CDK17: variants seen among roughly 807,000 people sequenced by gnomAD.
CDK17 encodes the protein cyclin dependent kinase 17, also known as cyclin-dependent kinase 17.
A neutral mutation model predicts 77.6 loss-of-function variants in CDK17; 24 were observed. The observed-to-expected ratio is 0.31, with a 90% CI of 0.22 to 0.44. The LOEUF (loss-of-function observed/expected upper bound fraction) is 0.44, where lower values mean the gene tolerates loss of function less well. Among genes scored for constraint, CDK17 ranks in the 20% least tolerant of loss-of-function variants. The pLI is 1.00. For synonymous variants in CDK17, 203 were observed against 210.4 expected, an observed-to-expected ratio of 0.96 and a Z score of 0.30; for missense variants, 429 against 622.5, an observed-to-expected ratio of 0.69 and a Z score of 3.31.
intron 1 of CDK17, among the ~76,000 whole-genome samples, chr12:96,368,542 A>C (rs901582814): frequency 1.3e-5 from 2 of 152,142 alleles, no homozygotes; most frequent in Non-Finnish European, 2.9e-5. Context: ...GTGCCTCCTA[A>C]AATTTGAGCA....
intron 5 of CDK17, among the ~76,000 whole-genome samples, chr12:96,308,879 C>T (rs1027002268): frequency 3.3e-5 from 5 of 151,856 alleles, no homozygotes; most frequent in African/African-American, 1.2e-4. Flanking sequence ...CCTTCCTGGT[C>T]CCTAGGATTT....
intron 1 of CDK17, among the ~76,000 whole-genome samples, chr12:96,398,376 T>C (rs866036005): frequency 6.6e-6 from 1 of 152,170 alleles, no homozygotes; most frequent in African/African-American, 2.4e-5. Flanking sequence ...CAACGTTTAA[T>C]GTCAACTCCT....
chr12:96,387,109 TG>T, intron 1 of CDK17: 1 of 323,436 alleles, frequency 3.1e-6, no homozygotes, highest in South Asian at 3.5e-5. Context: ...TCCACACCTG[TG>T]ACTGTTCCAT....
At chr12:96,306,952 C>T (rs1216445377) in intron 5 of CDK17, among the ~76,000 whole-genome samples, 2 of 152,154 alleles carry the variant, frequency 1.3e-5, no homozygotes, top group Non-Finnish European at 2.9e-5. Context: ...CAAAACATAG[C>T]TGGCATGATT....
chr12:96,293,731 A>G (rs1952360176), intron 10 of CDK17, among the ~76,000 whole-genome samples: 4 of 152,224 alleles, frequency 2.6e-5, no homozygotes, highest in African/African-American at 9.7e-5. Flanking sequence ...AGCCATTTGG[A>G]AAACAGTGGA....
chr12:96,357,430 G>T (rs370008954), intron 1 of CDK17, among the ~76,000 whole-genome samples: 11 of 152,096 alleles, frequency 7.2e-5, no homozygotes, highest in African/African-American at 2.7e-4. Flanking sequence ...CTCCAACCTG[G>T]GAGACAAAGT....
chr12:96,364,010 A>G (rs894196341), intron 1 of CDK17, among the ~76,000 whole-genome samples: 1 of 152,232 alleles, frequency 6.6e-6, no homozygotes, highest in South Asian at 2.1e-4. Context: ...ACTGGATCAC[A>G]TAAGGATATG....
At chr12:96,349,150 A>G (rs1174011350) in intron 1 of CDK17, among the ~76,000 whole-genome samples, 1 of 152,202 alleles carries the variant, frequency 6.6e-6, no homozygotes, top group African/African-American at 2.4e-5. Context: ...CGGTGGTTCA[A>G]CATAAGAAAA....
chr12:96,389,166 G>A (rs1219572720), intron 1 of CDK17, among the ~76,000 whole-genome samples: 1 of 150,288 alleles, frequency 6.7e-6, no homozygotes, highest in African/African-American at 2.5e-5. Flanking sequence ...GTAGGCATGG[G>A]GTCTCCCTAT....
chr12:96,391,609 C>T (rs1362397912), intron 1 of CDK17, among the ~76,000 whole-genome samples: 1 of 152,038 alleles, frequency 6.6e-6, no homozygotes, highest in African/African-American at 2.4e-5. Context: ...TCGGTTAAAC[C>T]AAATTTTACT....
chr12:96,392,455 G>A (rs981627687), intron 1 of CDK17, among the ~76,000 whole-genome samples: 1 of 152,204 alleles, frequency 6.6e-6, no homozygotes, highest in Non-Finnish European at 1.5e-5. Context: ...ACTGGAGCCA[G>A]TAAATCAGAT....
At chr12:96,290,035 A>G (rs1425902838) in intron 10 of CDK17, among the ~76,000 whole-genome samples, 1 of 152,342 alleles carries the variant, frequency 6.6e-6, no homozygotes, top group African/African-American at 2.4e-5. Flanking sequence ...TAAAAAAAAA[A>G]ATCGCAAAAA....
intron 1 of CDK17, among the ~76,000 whole-genome samples, chr12:96,380,659 G>T (rs917661790): frequency 6.6e-6 from 1 of 152,108 alleles, no homozygotes; most frequent in East Asian, 1.9e-4. Flanking sequence ...ATCACAAAAG[G>T]TTGTCCATTT....
chr12:96,379,380 A>T (rs1461695657), intron 1 of CDK17, among the ~76,000 whole-genome samples: 1 of 152,182 alleles, frequency 6.6e-6, no homozygotes, highest in African/African-American at 2.4e-5. Flanking sequence ...AGATATGCTG[A>T]TATTTATAGT....
chr12:96,397,360 G>A (rs1449032617), intron 1 of CDK17, among the ~76,000 whole-genome samples: 1 of 151,822 alleles, frequency 6.6e-6, no homozygotes, highest in East Asian at 1.9e-4. Flanking sequence ...ATACACATGG[G>A]GATCAATTCC....
chr12:96,298,965 A>G lies in CDK17; in HGVS notation c.619T>C (p.Tyr207His), dbSNP rs550448348. The G allele has an allele frequency of 9.6e-6, 15 of 1,555,996 alleles. No homozygotes were observed. Among genetic ancestry groups the G allele is most frequent in the Non-Finnish European group, 1.3e-5 (15 of 1,127,884 alleles). ...TCTGTCAATTTACTTCTTCCTTTAT[A>G]TACTGTTGCATATGTACCCTATAAA... ...KLGEGTYATV[Y>H]KGRSKLTENL... The change falls in exon 7 of 17, where the codon TAT (tyrosine) becomes CAT (histidine). Residue 207 changes from tyrosine (Y) to histidine (H), a missense_variant. By Grantham distance (83) the Tyr-to-His change is moderately conservative (BLOSUM62 2). This residue lies in a region of CDK17 where 262 missense variants were observed against 385.4 expected (regional missense o/e 0.68). Transcript: ENST00000261211.
At chr12:96,343,056 A>C (rs1000589357) in intron 1 of CDK17, among the ~76,000 whole-genome samples, 2 of 152,248 alleles carry the variant, frequency 1.3e-5, no homozygotes, top group African/African-American at 4.8e-5. Flanking sequence ...CTAGAAAAAA[A>C]GAAATGTACC....
At chr12:96,280,552 T>C in intron 16 of CDK17, 3 of 1,411,508 alleles carry the variant, frequency 2.1e-6, no homozygotes, top group Non-Finnish European at 1.8e-6. Flanking sequence ...GCCAGGTCAC[T>C]TGTAAAAGGT....
At chr12:96,375,776 C>A (rs1953770736) in intron 1 of CDK17, among the ~76,000 whole-genome samples, 1 of 152,014 alleles carries the variant, frequency 6.6e-6, no homozygotes, top group Non-Finnish European at 1.5e-5. Flanking sequence ...AAACTCCTGA[C>A]CTCAGGTGAT....
Sources: gnomAD v4.1 joint callset for allele counts (sites outside exome capture counted in the v4.1 genomes callset) on GRCh38, gnomAD v4.1.1 for gene constraint, gnomAD v4.1.1 regional missense constraint, MANE v1.5 for transcripts, NCBI Gene and HGNC (gene_info 2026-07-23, HGNC 2026-07-21) for gene names.